DOCK4: variants seen among roughly 807,000 people sequenced by gnomAD.
DOCK4 encodes dedicator of cytokinesis 4, also known as dedicator of cytokinesis protein 4.
Under a neutral mutation model 268.1 loss-of-function variants are expected in DOCK4, and 97 were observed. The ratio of observed to expected loss-of-function variants is 0.36; its 90% CI spans 0.31 to 0.43. The LOEUF is 0.43. Among genes scored for constraint, DOCK4 ranks in the 20% least tolerant of loss-of-function variants. DOCK4 has a pLI of 1.00. For synonymous variants in DOCK4, 954 were observed against 887.2 expected (o/e 1.08, Z -1.34); for missense variants, 2,145 against 2,455.7 (o/e 0.87, Z 2.67).
chr7:111,905,690 T>TGG (rs1791507453), intron 13 of DOCK4, among the ~76,000 whole-genome samples: 1 of 151,672 alleles, frequency 6.6e-6, no homozygotes, highest in Non-Finnish European at 1.5e-5. Flanking sequence ...TGTATGTGTG[T>TGG]GTGTGTGTGT....
At position 111,923,837 on chromosome 7, in the gene DOCK4, A is replaced by G. The variant is rs115413769; in HGVS notation, c.1067-7933T>C. On this transcript the variant is annotated intron_variant, in intron 12 of 52. Transcript: ENST00000428084. The stretch of plus-strand genomic sequence containing the variant: ...TACCCCTTGGGTAGCATTCTGGCTA[A>G]TATTTTAAGTTATTTTACTAATTCG... Among the ~76,000 whole-genome samples, 1,110 of 152,308 alleles carry G rather than the reference A, an allele frequency of 7.3e-3. 16 individuals are homozygous for G. Among genetic ancestry groups the G allele is most frequent in the African/African-American group, 0.025 (1,026 of 41,580 alleles).
chr7:112,118,875 C>G (rs763525069), intron 1 of DOCK4, among the ~76,000 whole-genome samples: 1 of 152,164 alleles, frequency 6.6e-6, no homozygotes, highest in Non-Finnish European at 1.5e-5. Context: ...TCAATAACCA[C>G]CCAGAAGACT....
At chr7:112,054,110 C>G (rs964086308) in intron 1 of DOCK4, among the ~76,000 whole-genome samples, 3 of 152,030 alleles carry the variant, frequency 2.0e-5, no homozygotes, top group African/African-American at 7.2e-5. Flanking sequence ...TCACTTCAAC[C>G]CAGGAGTTCA....
At chr7:111,924,194 T>C (rs1255096330) in intron 12 of DOCK4, among the ~76,000 whole-genome samples, 1 of 152,250 alleles carries the variant, frequency 6.6e-6, no homozygotes, top group African/African-American at 2.4e-5. Flanking sequence ...TTCTCATTTG[T>C]TGCATTTGCT....
At chr7:112,050,469 A>G (rs1268663247) in intron 1 of DOCK4, among the ~76,000 whole-genome samples, 1 of 152,190 alleles carries the variant, frequency 6.6e-6, no homozygotes, top group Non-Finnish European at 1.5e-5. Context: ...ACATAACATT[A>G]TACTAGCCCA....
chr7:112,205,092 G>C (rs1052314213), intron 1 of DOCK4, among the ~76,000 whole-genome samples: 2 of 152,158 alleles, frequency 1.3e-5, no homozygotes, highest in African/African-American at 2.4e-5. Context: ...GGGCGACCCA[G>C]CTGAAATCAA....
intron 12 of DOCK4, among the ~76,000 whole-genome samples, chr7:111,933,744 T>C (rs1794464338): frequency 6.6e-6 from 1 of 152,178 alleles, no homozygotes; most frequent in African/African-American, 2.4e-5. Flanking sequence ...TAGTGGTAGA[T>C]GCAGGACTTT....
At chr7:111,794,122 G>A (rs889408342) in intron 30 of DOCK4, among the ~76,000 whole-genome samples, 2 of 152,110 alleles carry the variant, frequency 1.3e-5, no homozygotes, top group African/African-American at 4.8e-5. Context: ...AAGTAAATAT[G>A]ACAAAGATTG....
rs1796893835 is a variant in DOCK4, at chr7:111,961,513, C to G, written c.701+15619G>C. Among the ~76,000 whole-genome samples, 3 of 152,168 alleles carry G rather than the reference C, an allele frequency of 2.0e-5. No individual in the cohort carries two copies. In the South Asian group the frequency reaches 6.2e-4, roughly 31 times the overall value. ...TTCCCTCACCTTTGGGAGGATAAACCTATACTTATTTAGAATTTCCAGGAA... is the reference window on the plus strand; with the variant it reads ...TTCCCTCACCTTTGGGAGGATAAACGTATACTTATTTAGAATTTCCAGGAA... On this transcript the variant is annotated intron_variant, in intron 8 of 52. Transcript: ENST00000428084.
chr7:111,855,260 T>C (rs1804904578), intron 23 of DOCK4, among the ~76,000 whole-genome samples: 1 of 151,756 alleles, frequency 6.6e-6, no homozygotes, highest in Non-Finnish European at 1.5e-5. Flanking sequence ...TGAAAGGAAA[T>C]ACAGGAAACA....
chr7:111,733,879 C>G (rs1400226444), intron 51 of DOCK4, among the ~76,000 whole-genome samples: 1 of 152,142 alleles, frequency 6.6e-6, no homozygotes, highest in Non-Finnish European at 1.5e-5. Context: ...ATATGTCTCT[C>G]AAAAATTATT....
At chr7:111,919,120 C>A (rs982416206) in intron 12 of DOCK4, among the ~76,000 whole-genome samples, 1 of 140,294 alleles carries the variant, frequency 7.1e-6, no homozygotes, top group African/African-American at 2.8e-5. Context: ...AAAACAAAAA[C>A]AAAACAAAAA....
intron 1 of DOCK4, among the ~76,000 whole-genome samples, chr7:112,034,763 G>A (rs551327323): frequency 2.6e-5 from 4 of 152,296 alleles, no homozygotes; most frequent in African/African-American, 7.2e-5. Context: ...AGTGTTTGGT[G>A]TGGTGGCGTG....
intron 23 of DOCK4, among the ~76,000 whole-genome samples, chr7:111,859,757 C>T (rs1360504004): frequency 6.6e-6 from 1 of 151,438 alleles, no homozygotes; most frequent in Non-Finnish European, 1.5e-5. Flanking sequence ...TTAGTAGAGA[C>T]GGGGTTTCAC....
intron 32 of DOCK4, chr7:111,784,449 TGTACAGCTG>T (rs1321130385): frequency 3.6e-6 from 2 of 561,026 alleles, no homozygotes; most frequent in Non-Finnish European, 6.8e-6. Flanking sequence ...GGAAAATCCT[TGTACAGCTG>T]GTATGACGTT....
chr7:112,151,763 G>GGA (rs1554462768), intron 1 of DOCK4, among the ~76,000 whole-genome samples: 3 of 139,482 alleles, frequency 2.2e-5, no homozygotes, highest in Non-Finnish European at 4.6e-5. Flanking sequence ...TAGAGATGTG[G>GGA]AAAAAAAAAA....
chr7:111,828,137 A>C (rs1246424702), intron 26 of DOCK4, among the ~76,000 whole-genome samples: 1 of 152,200 alleles, frequency 6.6e-6, no homozygotes, highest in African/African-American at 2.4e-5. Context: ...AGAAGGAGGA[A>C]AAAAATCTTG....
intron 8 of DOCK4, among the ~76,000 whole-genome samples, chr7:111,949,773 A>C (rs1795905987): frequency 6.6e-6 from 1 of 152,210 alleles, no homozygotes; most frequent in Non-Finnish European, 1.5e-5. Context: ...ATCACTCAGC[A>C]AATGGTTTTG....
At chr7:111,938,257 G>A (rs1457514822) in intron 11 of DOCK4, among the ~76,000 whole-genome samples, 3 of 152,216 alleles carry the variant, frequency 2.0e-5, no homozygotes, top group African/African-American at 4.8e-5. Context: ...ATTATTGAAT[G>A]TGTTACATAG....
Sources: allele counts gnomAD v4.1 joint callset (sites outside exome capture counted in the v4.1 genomes callset), GRCh38; gene constraint gnomAD v4.1.1; transcripts MANE v1.5; gene names NCBI Gene and HGNC (gene_info 2026-07-23, HGNC 2026-07-21).